Variants in SGCD observed in about 807,000 individuals in gnomAD.
SGCD encodes delta-sarcoglycan.
A neutral mutation model predicts 36.6 loss-of-function variants in SGCD; 18 were observed. The ratio of observed to expected loss-of-function variants is 0.49; its 90% CI spans 0.34 to 0.73. The LOEUF is 0.73. Ranked by LOEUF, SGCD falls within the 30% of genes least tolerant of loss-of-function variation. The pLI is 0.01. For synonymous variants in SGCD, 133 were observed against 130.6 expected (o/e 1.02, Z -0.12); for missense variants, 387 against 346.7 (o/e 1.12, Z -0.92).
chr5:155,799,500 C>T, the SGCD span, among the ~76,000 whole-genome samples: 12 of 151,322 alleles, frequency 7.9e-5, no homozygotes, highest in African/African-American at 2.9e-4. Flanking sequence ...TTCAAGCAAT[C>T]CTCCCACTTG....
intron 4 of SGCD, among the ~76,000 whole-genome samples, chr5:156,539,590 C>T (rs1758268488): frequency 6.6e-6 from 1 of 152,080 alleles, no homozygotes; most frequent in African/African-American, 2.4e-5. Flanking sequence ...GACATTATTT[C>T]ATTCATTTTT....
upstream of SGCD, among the ~76,000 whole-genome samples, chr5:156,323,486 A>G (rs1767725672): frequency 6.6e-6 from 1 of 152,164 alleles, no homozygotes; most frequent in African/African-American, 2.4e-5. Context: ...AGTAAGTCAA[A>G]AGATGTTATT....
At chr5:155,840,950 G>T in the SGCD span, among the ~76,000 whole-genome samples, 34 of 145,370 alleles carry the variant, frequency 2.3e-4, no homozygotes, top group African/African-American at 8.2e-4. Flanking sequence ...GGCAGAGGTT[G>T]TAGTGAGTCA....
chr5:156,649,170 C>G (rs972245073), intron 7 of SGCD, among the ~76,000 whole-genome samples: 4 of 152,180 alleles, frequency 2.6e-5, no homozygotes, highest in Admixed American at 2.0e-4. Flanking sequence ...GATACCATCT[C>G]ACACCAGTTA....
At chr5:156,432,437 T>C (rs1753064898) in intron 3 of SGCD, among the ~76,000 whole-genome samples, 1 of 152,194 alleles carries the variant, frequency 6.6e-6, no homozygotes, top group South Asian at 2.1e-4. Context: ...CCAGGTACAG[T>C]AGTAGCAGTG....
intron 7 of SGCD, among the ~76,000 whole-genome samples, chr5:156,732,338 T>A (rs1756122835): frequency 1.3e-5 from 2 of 152,174 alleles, no homozygotes; most frequent in Admixed American, 1.3e-4. Context: ...TCAAAAGCCT[T>A]TTCTGCATCT....
At chr5:156,579,104 A>G (rs1012085446) in intron 4 of SGCD, among the ~76,000 whole-genome samples, 7 of 152,116 alleles carry the variant, frequency 4.6e-5, no homozygotes, top group African/African-American at 1.7e-4. Flanking sequence ...AGATTCTGGT[A>G]TGTTGTGTCT....
intron 4 of SGCD, among the ~76,000 whole-genome samples, chr5:156,567,739 A>G (rs1270733218): frequency 1.3e-5 from 2 of 152,232 alleles, no homozygotes; most frequent in South Asian, 2.1e-4. Context: ...TGTCTAATGC[A>G]TACTTTGCAG....
At chr5:155,834,874 T>G in the SGCD span, among the ~76,000 whole-genome samples, 1 of 151,540 alleles carries the variant, frequency 6.6e-6, no homozygotes, top group Admixed American at 6.6e-5. Flanking sequence ...CTCACTTTGT[T>G]GCCCAGGCTG....
At chr5:156,411,777 A>G (rs141415335) in intron 3 of SGCD, among the ~76,000 whole-genome samples, 41 of 152,356 alleles carry the variant, frequency 2.7e-4, no homozygotes, top group African/African-American at 8.7e-4. Context: ...TTATTGACAC[A>G]TACACCAAAA....
chr5:155,923,584 C>T (rs539459526), intron 1 of SGCD, among the ~76,000 whole-genome samples: 54 of 152,276 alleles, frequency 3.5e-4, no homozygotes, highest in African/African-American at 1.2e-3. Flanking sequence ...GAAAAACCAT[C>T]ACCTAATCAA....
intron 3 of SGCD, among the ~76,000 whole-genome samples, chr5:156,304,038 A>G (rs904363793): frequency 6.6e-6 from 1 of 152,078 alleles, no homozygotes; most frequent in African/African-American, 2.4e-5. Flanking sequence ...CAGTACTTGC[A>G]CAGGAATTGC....
the SGCD span, among the ~76,000 whole-genome samples, chr5:155,748,369 C>T: frequency 6.6e-6 from 1 of 151,990 alleles, no homozygotes; most frequent in Non-Finnish European, 1.5e-5. Flanking sequence ...ATATAATATC[C>T]TGATCAATTC....
chr5:156,541,115 G>C (rs570425952), intron 4 of SGCD, among the ~76,000 whole-genome samples: 35 of 152,260 alleles, frequency 2.3e-4, no homozygotes, highest in Non-Finnish European at 4.9e-4. Flanking sequence ...TGAATGCAAA[G>C]ATTCTAAAGC....
At chr5:156,201,729 T>A (rs1360374985) in intron 3 of SGCD, among the ~76,000 whole-genome samples, 1 of 152,166 alleles carries the variant, frequency 6.6e-6, no homozygotes, top group Non-Finnish European at 1.5e-5. Context: ...TAGTTTTTTT[T>A]TTTTTAATCT....
At chr5:156,463,061 G>A (rs1280436317) in intron 3 of SGCD, among the ~76,000 whole-genome samples, 1 of 152,188 alleles carries the variant, frequency 6.6e-6, no homozygotes, top group African/African-American at 2.4e-5. Context: ...TGGAAAGATT[G>A]TAATGACACT....
At chr5:155,830,014 A>G in the SGCD span, among the ~76,000 whole-genome samples, 3 of 152,176 alleles carry the variant, frequency 2.0e-5, no homozygotes, top group African/African-American at 4.8e-5. Context: ...CATCATTTCT[A>G]TGTCACAGAT....
intron 6 of SGCD, among the ~76,000 whole-genome samples, chr5:156,640,379 G>A (rs966338771): frequency 2.3e-5 from 3 of 132,080 alleles, no homozygotes; most frequent in Non-Finnish European, 5.5e-5. Flanking sequence ...ACCAGTTTTT[G>A]CCCCCTTGAA....
chr5:156,580,530 GTA>G (rs1481861609), intron 4 of SGCD, among the ~76,000 whole-genome samples: 1 of 152,120 alleles, frequency 6.6e-6, no homozygotes, highest in East Asian at 1.9e-4. Context: ...TCACTTTCAG[GTA>G]CACCAATGAA....
Sources: gnomAD v4.1 joint callset for allele counts (sites outside exome capture counted in the v4.1 genomes callset) on GRCh38, gnomAD v4.1.1 for gene constraint, MANE v1.5 for transcripts, NCBI Gene and HGNC (gene_info 2026-07-23, HGNC 2026-07-21) for gene names.